TRDN: variants seen among roughly 807,000 people sequenced by gnomAD.
The protein encoded by TRDN is triadin in skeletal muscle.
TRDN carries 161 observed loss-of-function variants against 149.7 expected under a neutral mutation model. The ratio of observed to expected loss-of-function variants is 1.08; its 90% confidence interval spans 0.95 to 1.23. The LOEUF (loss-of-function observed/expected upper bound fraction) is 1.23, where lower values mean the gene tolerates loss of function less well. TRDN is among the 50% of genes most tolerant of loss of function. The pLI is 0.00. For synonymous variants in TRDN, 294 were observed against 250.5 expected (o/e 1.17, Z -1.64); for missense variants, 896 against 823.5 (o/e 1.09, Z -1.08).
At chr6:123,306,766 C>G (rs1487494253) in intron 24 of TRDN, among the ~76,000 whole-genome samples, 1 of 152,060 alleles carries the variant, frequency 6.6e-6, no homozygotes, top group African/African-American at 2.4e-5. Flanking sequence ...ACCACCCAGT[C>G]TGCAGGTATG....
At chr6:123,277,191 C>T (rs1380464108) in intron 26 of TRDN, among the ~76,000 whole-genome samples, 2 of 152,122 alleles carry the variant, frequency 1.3e-5, no homozygotes, top group African/African-American at 4.8e-5. Flanking sequence ...AAGAATCATA[C>T]TCCAAGTTTT....
At chr6:123,253,436 T>C (rs1776448665) in intron 37 of TRDN, among the ~76,000 whole-genome samples, 1 of 152,118 alleles carries the variant, frequency 6.6e-6, no homozygotes, top group Non-Finnish European at 1.5e-5. Flanking sequence ...TTAAAAAACA[T>C]TTTCAGCTTG....
chr6:123,352,427 G>C, intron 21 of TRDN, 112 bp downstream of exon 21: 1 of 1,478,180 alleles, frequency 6.8e-7, no homozygotes, highest in Non-Finnish European at 8.9e-7. Context: ...CAGTGATAAA[G>C]AGTAATAGAC....
intron 24 of TRDN, among the ~76,000 whole-genome samples, chr6:123,288,848 T>A (rs1228784964): frequency 6.6e-6 from 1 of 151,824 alleles, no homozygotes; most frequent in Non-Finnish European, 1.5e-5. Flanking sequence ...ATTACCATAT[T>A]CAGCAATTTT....
At chr6:123,573,968 A>G (rs1316150784) in intron 1 of TRDN, among the ~76,000 whole-genome samples, 1 of 152,038 alleles carries the variant, frequency 6.6e-6, no homozygotes, top group East Asian at 1.9e-4. Flanking sequence ...CTTTAGTCAT[A>G]AAATAATACT....
intron 21 of TRDN, chr6:123,349,643 C>CT (rs1242686887): frequency 2.1e-6 from 2 of 938,440 alleles, no homozygotes; most frequent in Admixed American, 1.2e-4. Context: ...TTGTTTCTGT[C>CT]TTTTTTTATA....
chr6:123,349,608 T>C lies in TRDN; in HGVS notation c.1369+2931A>G. The C allele has an allele frequency of 2.2e-6, 2 of 900,550 alleles. 1 individual carries two copies. Among genetic ancestry groups the C allele is most frequent in the South Asian group, 1.0e-4 (2 of 19,452 alleles). The allele number at this position is 900,550 out of a possible 1,614,324, so 55.8% of individuals were successfully genotyped here. On this transcript the variant is annotated intron_variant, in intron 21 of 40. Transcript: ENST00000334268. ...ATTGTGTTAACTAAATCTTCTGTTTTACTTCATTGATTTTAAATGTAAAAT... is the reference window on the plus strand; with the variant it reads ...ATTGTGTTAACTAAATCTTCTGTTTCACTTCATTGATTTTAAATGTAAAAT...
chr6:123,537,028 T>C (rs1468379444), intron 4 of TRDN, among the ~76,000 whole-genome samples: 1 of 152,150 alleles, frequency 6.6e-6, no homozygotes, highest in Non-Finnish European at 1.5e-5. Context: ...ATTAAGCATG[T>C]TTTTAACATT....
intron 38 of TRDN, among the ~76,000 whole-genome samples, chr6:123,226,965 A>C (rs1775397745): frequency 6.6e-6 from 1 of 151,862 alleles, no homozygotes; most frequent in Admixed American, 6.6e-5. Context: ...TGAGGGCAAC[A>C]ATATGAAAAA....
At chr6:123,396,090 A>G (rs1404534422) in intron 12 of TRDN, among the ~76,000 whole-genome samples, 1 of 152,198 alleles carries the variant, frequency 6.6e-6, no homozygotes, top group Non-Finnish European at 1.5e-5. Context: ...AAATTGCATG[A>G]CATTAGGGGA....
intron 5 of TRDN, among the ~76,000 whole-genome samples, chr6:123,516,833 T>C (rs1779433246): frequency 1.3e-5 from 2 of 152,116 alleles, no homozygotes; most frequent in South Asian, 4.1e-4. Context: ...TCATTATCCA[T>C]GCTAGAAACA....
chr6:123,453,838 T>C (rs912969539), intron 10 of TRDN, among the ~76,000 whole-genome samples: 2 of 151,922 alleles, frequency 1.3e-5, no homozygotes, highest in African/African-American at 4.8e-5. Context: ...AATTACAAAA[T>C]TGTGAAACCA....
intron 33 of TRDN, among the ~76,000 whole-genome samples, chr6:123,262,882 C>T (rs897977754): frequency 6.6e-6 from 1 of 152,038 alleles, no homozygotes; most frequent in Non-Finnish European, 1.5e-5. Context: ...TTGAGACTCT[C>T]ATTCACCAAG....
chr6:123,591,817 A>G (rs997874884), intron 1 of TRDN, among the ~76,000 whole-genome samples: 1 of 152,170 alleles, frequency 6.6e-6, no homozygotes, highest in South Asian at 2.1e-4. Context: ...TGAAAAGAAC[A>G]TTAAGGTATT....
intron 6 of TRDN, among the ~76,000 whole-genome samples, chr6:123,513,687 C>T (rs1403446829): frequency 6.6e-6 from 1 of 151,854 alleles, no homozygotes; most frequent in African/African-American, 2.4e-5. Context: ...AAGAAAATAA[C>T]AATTATTTAA....
chr6:123,302,166 A>G, intron 24 of TRDN, among the ~76,000 whole-genome samples: 1 of 152,050 alleles, frequency 6.6e-6, no homozygotes, highest in South Asian at 2.1e-4. Flanking sequence ...ACAGATATAA[A>G]CTAAATAGAG....
chr6:123,437,984 T>C, intron 12 of TRDN, 79 bp downstream of exon 12: 1 of 1,224,402 alleles, frequency 8.2e-7, no homozygotes, highest in African/African-American at 1.5e-5. Context: ...GTGCAATTTG[T>C]GTATGTTGCA....
chr6:123,344,576 G>A (rs959021876), intron 21 of TRDN, among the ~76,000 whole-genome samples: 1 of 151,826 alleles, frequency 6.6e-6, no homozygotes, highest in Non-Finnish European at 1.5e-5. Context: ...TATAATTTAA[G>A]GTTCTTCTAT....
At chr6:123,243,693 A>T (rs1183156553) in intron 38 of TRDN, among the ~76,000 whole-genome samples, 1 of 152,166 alleles carries the variant, frequency 6.6e-6, no homozygotes, top group Non-Finnish European at 1.5e-5. Flanking sequence ...AGAAAGAAAA[A>T]TCAAGTAAAA....
Sources: allele counts gnomAD v4.1 joint callset (sites outside exome capture counted in the v4.1 genomes callset), GRCh38; gene constraint gnomAD v4.1.1; transcripts MANE v1.5; gene names NCBI Gene and HGNC (gene_info 2026-07-23, HGNC 2026-07-21).